The following MRAP2 variants were observed in gnomAD, a reference collection of about 807,000 sequenced individuals.
MRAP2 encodes the protein melanocortin 2 receptor accessory protein 2.
MRAP2 carries 20 observed loss-of-function variants against 17.4 expected under a neutral mutation model. The observed-to-expected ratio is 1.15, with a 90% CI of 0.81 to 1.67. MRAP2 has a LOEUF of 1.67. Ranked by LOEUF, MRAP2 falls within the 40% of genes most tolerant of loss-of-function variation. The probability of loss-of-function intolerance (pLI) is 0.00; values close to 1 mark genes in which losing one functional copy is unlikely to be tolerated. For synonymous variants in MRAP2, 96 were observed against 88.4 expected (o/e 1.09, Z -0.48); for missense variants, 238 against 240.0 (o/e 0.99, Z 0.05).
the MRAP2 span, among the ~76,000 whole-genome samples, chr6:84,110,155 G>A: frequency 2.6e-5 from 4 of 152,200 alleles, no homozygotes; most frequent in East Asian, 7.7e-4. Context: ...GATCCTTGAG[G>A]AATTGCCATA....
chr6:84,069,767 G>A (rs563172180), intron 3 of MRAP2, among the ~76,000 whole-genome samples: 17 of 152,038 alleles, frequency 1.1e-4, no homozygotes, highest in South Asian at 8.3e-4. Context: ...TTTTAATCTC[G>A]CTGCTTGTTA....
intron 3 of MRAP2, among the ~76,000 whole-genome samples, chr6:84,073,658 G>A (rs1279682247): frequency 6.6e-6 from 1 of 152,120 alleles, no homozygotes; most frequent in African/African-American, 2.4e-5. Flanking sequence ...TGCCAAGCAC[G>A]GGGCTCTGGA....
chr6:84,135,008 C>A, the MRAP2 span, among the ~76,000 whole-genome samples: 1 of 151,614 alleles, frequency 6.6e-6, no homozygotes, highest in South Asian at 2.1e-4. Context: ...TGCATACATA[C>A]ATACATGAAC....
chr6:84,093,571 C>CACACACAAGTTTAGCT (rs1325347010), downstream of MRAP2, among the ~76,000 whole-genome samples: 1,581 of 152,300 alleles, frequency 0.01, 33 homozygotes, highest in African/African-American at 0.036. Context: ...GAAGTCAGCA[C>CACACACAAGTTTAGCT]TGCACAAGGA....
the MRAP2 span, chr6:84,125,129 G>A: frequency 5.9e-5 from 95 of 1,613,350 alleles, no homozygotes; most frequent in East Asian, 1.1e-4. Context: ...ACTCCTTGCC[G>A]GTGCAGCTCT....
rs920242099 is a variant in MRAP2 at position 84,090,186 on chromosome 6, A to G, written c.*705A>G. ...GCCTTCAGATGAGGCTGAGCTATAC[A>G]TAAAACAGTATAAACTAGGGTACTG... On this transcript the variant is annotated 3_prime_UTR_variant, in exon 4 of 4. Transcript: ENST00000257776. 6.6e-6 allele frequency: 1 copy of G among 152,288 alleles called. No individual in the cohort carries two copies. The highest frequency in any genetic ancestry group is 1.5e-5 in the Non-Finnish European group (1 of 68,118). The allele number at this position is 152,288 out of a possible 1,614,324, so 9.4% of individuals were successfully genotyped here. A position where few individuals can be genotyped will look rare whatever the true frequency, so the allele number is the denominator to read the frequency against.
rs9449766 is a variant in MRAP2 at position 84,067,968 on chromosome 6, C to T, written c.227+4976C>T. On this transcript the variant is annotated intron_variant, in intron 3 of 3. Transcript: ENST00000257776. ...CTTGCTCATGAAATCCTTGCCTAAG[C>T]CAGCATCTAGAAGCGTTTTTCCAAT... Among the ~76,000 whole-genome samples the T allele has an allele frequency of 3.2e-3, 482 of 152,236 alleles. 2 individuals carry two copies. The highest frequency in any genetic ancestry group is 0.011 in the African/African-American group (460 of 41,546).
intron 1 of MRAP2, among the ~76,000 whole-genome samples, chr6:84,054,288 A>G (rs945125264): frequency 2.0e-5 from 3 of 152,196 alleles, no homozygotes; most frequent in Admixed American, 1.3e-4. Context: ...TGCACACAGT[A>G]GGTGCTCAAA....
chr6:84,145,413 C>T, the MRAP2 span, among the ~76,000 whole-genome samples: 5 of 152,088 alleles, frequency 3.3e-5, no homozygotes, highest in African/African-American at 1.2e-4. Flanking sequence ...ATGCAAATAA[C>T]CAAGCCAAGT....
the MRAP2 span, among the ~76,000 whole-genome samples, chr6:84,142,920 A>G: frequency 2.0e-5 from 3 of 152,100 alleles, no homozygotes; most frequent in Admixed American, 2.0e-4. Flanking sequence ...TAAGATGATG[A>G]CTAGATGTTT....
chr6:84,083,539 T>A (rs2099499527), intron 3 of MRAP2, among the ~76,000 whole-genome samples: 2 of 152,156 alleles, frequency 1.3e-5, no homozygotes, highest in Non-Finnish European at 2.9e-5. Flanking sequence ...TTAGGGTGAG[T>A]TTATAATTTT....
chr6:84,055,525 G>C, intron 2 of MRAP2, 80 bp downstream of exon 2: 1 of 1,415,294 alleles, frequency 7.1e-7, no homozygotes, highest in South Asian at 1.2e-5. Flanking sequence ...TACTTCTCCT[G>C]AGCATTCTTT....
chr6:84,098,568 T>C, the MRAP2 span, among the ~76,000 whole-genome samples: 3 of 152,178 alleles, frequency 2.0e-5, no homozygotes, highest in Admixed American at 6.5e-5. Flanking sequence ...AATGGTTGTA[T>C]GATTTTAACT....
At position 84,062,997 on chromosome 6, in the gene MRAP2, G is replaced by C; in HGVS notation, c.227+5G>C. On this transcript the variant is annotated splice_donor_5th_base_variant and intron_variant, in intron 3 of 3. Coordinates refer to ENST00000257776, the MANE Select transcript of MRAP2 (RefSeq NM_138409.4). ...GACAGGAGCCCCACACCAAGAGTAA[G>C]TTTGGGCTGTTCCTAAATGTCTCTT... 2 of 1,614,146 alleles carry C rather than the reference G, an allele frequency of 1.2e-6. No homozygotes were observed. The highest frequency in any genetic ancestry group is 1.7e-6 in the Non-Finnish European group (2 of 1,180,004).
intron 3 of MRAP2, among the ~76,000 whole-genome samples, chr6:84,075,457 G>A (rs2099497347): frequency 6.6e-6 from 1 of 152,106 alleles, no homozygotes; most frequent in South Asian, 2.1e-4. Flanking sequence ...TGTATGGTGG[G>A]GCAGGCAGGG....
At chr6:84,118,638 C>T in the MRAP2 span, among the ~76,000 whole-genome samples, 1 of 152,202 alleles carries the variant, frequency 6.6e-6, no homozygotes, top group African/African-American at 2.4e-5. Flanking sequence ...GGTGGCAGCC[C>T]ACCCCTTCCC....
At chr6:84,071,029 A>T (rs538437543) in intron 3 of MRAP2, among the ~76,000 whole-genome samples, 3 of 152,108 alleles carry the variant, frequency 2.0e-5, no homozygotes, top group Non-Finnish European at 4.4e-5. Flanking sequence ...GTGGTTCTGT[A>T]TTTTTTTAAG....
intron 1 of MRAP2, among the ~76,000 whole-genome samples, chr6:84,043,092 G>A (rs1253338559): frequency 6.6e-6 from 1 of 152,202 alleles, no homozygotes; most frequent in African/African-American, 2.4e-5. Flanking sequence ...GACACGGCCA[G>A]TCTCTCTTCT....
At chr6:84,037,326 C>G (rs899439659) in intron 1 of MRAP2, among the ~76,000 whole-genome samples, 1 of 152,132 alleles carries the variant, frequency 6.6e-6, no homozygotes, top group Admixed American at 6.5e-5. Context: ...GAGCTAGACA[C>G]AGAGTGCTGA....
Sources: allele counts gnomAD v4.1 joint callset (sites outside exome capture counted in the v4.1 genomes callset), GRCh38; gene constraint gnomAD v4.1.1; transcripts MANE v1.5; gene names NCBI Gene and HGNC (gene_info 2026-07-23, HGNC 2026-07-21).